Variants in LLGL2 observed in about 807,000 individuals in gnomAD.
LLGL2 encodes the protein LLGL scribble cell polarity complex component 2.
In LLGL2, 81 loss-of-function variants were observed where a neutral mutation model predicts 123.2. That is an observed-to-expected ratio of 0.66 (90% CI 0.55 to 0.79). LLGL2 has a LOEUF of 0.79. Ranked by LOEUF, LLGL2 falls within the 30% of genes least tolerant of loss-of-function variation. The pLI is 0.00. For missense variants in LLGL2, 1,273 were observed against 1,414.6 expected (o/e 0.90, Z 1.61); for synonymous variants, 577 against 594.1 (o/e 0.97, Z 0.42).
intron 1 of LLGL2, among the ~76,000 whole-genome samples, chr17:75,538,900 CTT>C (rs960799864): frequency 1.1e-4 from 16 of 148,494 alleles, no homozygotes; most frequent in Non-Finnish European, 2.4e-4. Flanking sequence ...CTTTCTTTTT[CTT>C]TTTTTTAGAA....
At chr17:75,533,656 C>T (rs1021343857) in intron 1 of LLGL2, 2 of 152,122 alleles carry the variant, frequency 1.3e-5, no homozygotes, top group African/African-American at 4.8e-5. Flanking sequence ...TGGATGTGAT[C>T]CTTAAACAAA....
intron 1 of LLGL2, among the ~76,000 whole-genome samples, chr17:75,528,739 A>AAAACAAAC (rs78153446): frequency 0.22 from 33,311 of 151,500 alleles, 4,004 homozygotes; most frequent in African/African-American, 0.3. Context: ...ACTCCATCTC[A>AAAACAAAC]AAACAAACAA....
intron 8 of LLGL2, 121 bp downstream of exon 8, chr17:75,563,584 A>G: frequency 6.6e-7 from 1 of 1,506,192 alleles, no homozygotes. Context: ...CCAAAGCCAC[A>G]CAGCAGGGTT....
At chr17:75,557,034 C>CTTTTTTTTTTTTTTTTTTTTT (rs55649536) in intron 3 of LLGL2, among the ~76,000 whole-genome samples, 1 of 109,890 alleles carries the variant, frequency 9.1e-6, no homozygotes, top group African/African-American at 4.7e-5. Flanking sequence ...GTCTCAAAAA[C>CTTTTTTTTTTTTTTTTTTTTT]TTTTTTTTTT....
intron 17 of LLGL2, 191 bp downstream of exon 17, chr17:75,571,291 C>T: frequency 1.6e-6 from 1 of 610,094 alleles, no homozygotes; most frequent in Non-Finnish European, 2.9e-6. Flanking sequence ...GTCAGCTTCC[C>T]TTGGCTTTAT....
chr17:75,553,972 A>C (rs1598577213), intron 2 of LLGL2, among the ~76,000 whole-genome samples: 2 of 152,130 alleles, frequency 1.3e-5, no homozygotes, highest in African/African-American at 4.8e-5. Flanking sequence ...GTGAATTAGG[A>C]TATCTACAGG....
At position 75,558,360 on chromosome 17, in the gene LLGL2, C is replaced by A; in HGVS notation, c.255+124C>A. On this transcript the variant is annotated intron_variant, in intron 4 of 25. Transcript: ENST00000392550. The surrounding 1 kb of genome is among the most constrained non-coding windows in gnomAD (Gnocchi z 4.0). ...CTGGGTTTGCTGCTGATGGAAAGAC[C>A]TGGGACCCCCTCCCTTTCCACAGCT... 8.6e-7 allele frequency: 1 copy of A among 1,166,328 alleles called. No individual in the cohort carries two copies. The highest frequency in any genetic ancestry group is 1.2e-6 in the Non-Finnish European group (1 of 825,226). The allele number at this position is 1,166,328 out of a possible 1,614,324, so 72.2% of individuals were successfully genotyped here. A position where few individuals can be genotyped will look rare whatever the true frequency, so the allele number is the denominator to read the frequency against.
chr17:75,541,350 A>G (rs1340665150), intron 1 of LLGL2, among the ~76,000 whole-genome samples: 1 of 152,214 alleles, frequency 6.6e-6, no homozygotes, highest in Non-Finnish European at 1.5e-5. Context: ...CAGGAGTCCA[A>G]CTGGTTTATG....
intron 2 of LLGL2, among the ~76,000 whole-genome samples, chr17:75,548,274 T>G (rs2054514351): frequency 7.3e-6 from 1 of 137,580 alleles, no homozygotes; most frequent in Non-Finnish European, 1.6e-5. Flanking sequence ...ACAATTTTTT[T>G]TTTCCTTTTT....
In LLGL2 at chr17:75,526,768, G is replaced by A. The variant is rs149034189; in HGVS notation, c.-31+943G>A. Among the ~76,000 whole-genome samples the A allele has an allele frequency of 3.8e-3, 583 of 152,208 alleles. 5 individuals carry two copies. Among genetic ancestry groups the A allele is most frequent in the African/African-American group, 0.013 (535 of 41,536 alleles). ...ACAGAGAGGATTCTGAGCAGGGAGCGGGCAGGGAGGGAATGGGTGTGTCAA... is the reference window on the plus strand; with the variant it reads ...ACAGAGAGGATTCTGAGCAGGGAGCAGGCAGGGAGGGAATGGGTGTGTCAA... On this transcript the variant is annotated intron_variant, in intron 1 of 25. Coordinates refer to ENST00000392550, the MANE Select transcript of LLGL2 (RefSeq NM_001031803.2).
chr17:75,545,747 C>T (rs149176436), intron 2 of LLGL2, among the ~76,000 whole-genome samples: 1 of 152,230 alleles, frequency 6.6e-6, no homozygotes, highest in African/African-American at 2.4e-5. Flanking sequence ...TTGGGCAAGG[C>T]AGGTAAGCTC....
At chr17:75,574,428 G>A in intron 23 of LLGL2, 25 bp from the exon 24 acceptor site, 5 of 1,548,298 alleles carry the variant, frequency 3.2e-6, no homozygotes, top group Non-Finnish European at 3.5e-6. Flanking sequence ...GCCTCAGTGG[G>A]CCTCTGTTCC....
At chr17:75,532,081 T>TACACACACACACACAC (rs1568015954) in intron 1 of LLGL2, among the ~76,000 whole-genome samples, 2 of 29,490 alleles carry the variant, frequency 6.8e-5, no homozygotes, top group Non-Finnish European at 1.3e-4. Flanking sequence ...CACACACTTT[T>TACACACACACACACAC]TTTTTTTTTT....
At chr17:75,560,044 G>A (rs2055131045) in intron 6 of LLGL2, among the ~76,000 whole-genome samples, 1 of 152,206 alleles carries the variant, frequency 6.6e-6, no homozygotes, top group South Asian at 2.1e-4. Flanking sequence ...GTTCCAAGGG[G>A]CAGGAGGAGG....
At chr17:75,571,572 T>A in intron 17 of LLGL2, 95 bp from the exon 18 acceptor site, 2 of 902,660 alleles carry the variant, frequency 2.2e-6, no homozygotes, top group Non-Finnish European at 1.8e-6. Context: ...TTCCAGCCTC[T>A]CCCAGGAGGG....
intron 1 of LLGL2, among the ~76,000 whole-genome samples, chr17:75,536,825 T>G (rs2054019623): frequency 6.6e-6 from 1 of 152,168 alleles, no homozygotes; most frequent in Non-Finnish European, 1.5e-5. Context: ...CTCCATTTAT[T>G]TATTTATTTA....
At chr17:75,553,882 G>A (rs1007356851) in intron 2 of LLGL2, among the ~76,000 whole-genome samples, 7 of 152,118 alleles carry the variant, frequency 4.6e-5, no homozygotes, top group African/African-American at 1.7e-4. Context: ...ACAAAGATAG[G>A]AGTCCAAGAA....
intron 19 of LLGL2, 84 bp from the exon 20 acceptor site, chr17:75,572,930 G>T (rs1425368178): frequency 2.7e-6 from 4 of 1,488,476 alleles, no homozygotes; most frequent in East Asian, 4.6e-5. Flanking sequence ...GGAGGCATGT[G>T]GGGAGGGGAG....
At chr17:75,565,756 C>T (rs1371344626) in intron 10 of LLGL2, among the ~76,000 whole-genome samples, 4 of 152,152 alleles carry the variant, frequency 2.6e-5, no homozygotes, top group Non-Finnish European at 5.9e-5. Flanking sequence ...GAGGTGGGTG[C>T]CTGATGAGCG....
Sources: allele counts gnomAD v4.1 joint callset (sites outside exome capture counted in the v4.1 genomes callset), GRCh38; gene constraint gnomAD v4.1.1; non-coding constraint Gnocchi (gnomAD v3.1); transcripts MANE v1.5; gene names NCBI Gene and HGNC (gene_info 2026-07-23, HGNC 2026-07-21).